The following INTS12 variants were observed in gnomAD, a reference collection of about 807,000 sequenced individuals.
INTS12 encodes the protein PHD finger protein 22.
In INTS12, 13 loss-of-function variants were observed where a neutral mutation model predicts 41.6. The ratio of observed to expected loss-of-function variants is 0.31; its 90% CI spans 0.20 to 0.50. The LOEUF is 0.50. Among genes scored for constraint, INTS12 ranks in the 20% least tolerant of loss-of-function variants. The pLI is 0.98. For missense variants in INTS12, 432 were observed against 541.6 expected, an observed-to-expected ratio of 0.80 and a Z score of 2.01; for synonymous variants, 199 against 191.4, an observed-to-expected ratio of 1.04 and a Z score of -0.33.
At position 105,702,879 on chromosome 4, in the gene INTS12, A is replaced by G. The variant is rs550754120; in HGVS notation, c.-10+769T>C. On this transcript the variant is annotated intron_variant, in intron 2 of 7. Coordinates refer to ENST00000340139, the MANE Select transcript of INTS12 (RefSeq NM_020395.4). Reference sequence around the variant, plus strand: ...TTTATATTTTATATTTTAGTTTTCTATCTTACCTTTACTCCCCCTTTTCTG... The same window carrying G: ...TTTATATTTTATATTTTAGTTTTCTGTCTTACCTTTACTCCCCCTTTTCTG... 8.1e-4 allele frequency: 793 copies of G among 983,356 alleles called. 2 individuals carry two copies. The highest frequency in any genetic ancestry group is 8.2e-4 in the Non-Finnish European group (682 of 827,992). The allele number at this position is 983,356 out of a possible 1,614,324, so 60.9% of individuals were successfully genotyped here.
chr4:105,700,544 T>C (rs1362169109), intron 2 of INTS12, among the ~76,000 whole-genome samples: 4 of 151,968 alleles, frequency 2.6e-5, no homozygotes, highest in Non-Finnish European at 5.9e-5. Context: ...TCTTTTTTTT[T>C]TTTTTTCTAA....
At chr4:105,689,999 A>G (rs912767658) in intron 6 of INTS12, among the ~76,000 whole-genome samples, 6 of 152,264 alleles carry the variant, frequency 3.9e-5, no homozygotes, top group Non-Finnish European at 8.8e-5. Context: ...CTTAAGTGCT[A>G]TGCCAATGAA....
intron 1 of INTS12, chr4:105,707,828 T>TA (rs1251082239): frequency 2.6e-6 from 1 of 385,906 alleles, no homozygotes; most frequent in Non-Finnish European, 3.5e-6. Flanking sequence ...AATGTCACCT[T>TA]ATAAGGCTTC....
Position 105,691,996 on chromosome 4 carries a change from T to C in INTS12, c.637A>G (p.Thr213Ala), listed in dbSNP as rs749033718. Residue 213 changes from threonine (T) to alanine (A), a missense_variant, in exon 6 of 8, where the codon ACC becomes GCC. This residue lies in a region of INTS12 where 258 missense variants were observed against 309.9 expected (regional missense o/e 0.83). Transcript: ENST00000340139. ...PRLVWYCARC[T>A]RQMKRMAQKT... ...CCTACCATTCTTTTCATTTGTCTGG[T>C]ACATCGGGCACAATACCACACCAGG... 8 of 1,562,870 alleles carry C rather than the reference T, an allele frequency of 5.1e-6. No individual in the cohort carries two copies. The highest frequency in any genetic ancestry group is 1.4e-5 in the African/African-American group (1 of 71,626).
At chr4:105,684,513 G>T (rs1306244983) in intron 7 of INTS12, among the ~76,000 whole-genome samples, 2 of 152,008 alleles carry the variant, frequency 1.3e-5, no homozygotes, top group Non-Finnish European at 2.9e-5. Context: ...TTGTCTGCAT[G>T]CATACATTTT....
At chr4:105,695,758 A>G in intron 3 of INTS12, 90 bp from the exon 4 acceptor site, 1 of 1,027,120 alleles carries the variant, frequency 9.7e-7, no homozygotes, top group Non-Finnish European at 1.4e-6. Context: ...TCAGTTAAAA[A>G]TTAAGACATT....
intron 1 of INTS12, chr4:105,708,396 G>C (rs1294023556): frequency 2.0e-6 from 2 of 985,336 alleles, no homozygotes; most frequent in Non-Finnish European, 2.4e-6. Context: ...CAAGTCCCTT[G>C]TCCCTAGACC....
rs546007048 is a variant in INTS12 at position 105,702,806 on chromosome 4, A to T, written c.-10+842T>A. On this transcript the variant is annotated intron_variant, in intron 2 of 7. Coordinates refer to ENST00000340139, the MANE Select transcript of INTS12 (RefSeq NM_020395.4). ...GCCCTGACTTTTGTTTCCTCACCAA[A>T]CAGAAAACAGTAGTTGAACCTAAAA... The T allele has an allele frequency of 2.3e-5, 19 of 833,448 alleles. No homozygotes were observed. In the South Asian group the frequency reaches 9.9e-4, roughly 43 times the overall value. The allele number at this position is 833,448 out of a possible 1,614,324, so 51.6% of individuals were successfully genotyped here. A position where few individuals can be genotyped will look rare whatever the true frequency, so the allele number is the denominator to read the frequency against.
chr4:105,684,736 CAAG>C lies in INTS12; in HGVS notation c.805-1422_805-1420del, dbSNP rs143834873. ...ACCAGCAATGAGAGAAAAAGTTAGTCAAGAAGTAAACCTTTAATTTTCAGTTAT... is the reference window on the plus strand; with the variant it reads ...ACCAGCAATGAGAGAAAAAGTTAGTCAAGTAAACCTTTAATTTTCAGTTAT... On this transcript the variant is annotated intron_variant, in intron 7 of 7. Coordinates refer to ENST00000340139, the MANE Select transcript of INTS12 (RefSeq NM_020395.4). 5.8e-3 allele frequency among the ~76,000 whole-genome samples: 886 copies of C among 152,160 alleles called. 8 individuals carry two copies. The highest frequency in any genetic ancestry group is 0.021 in the African/African-American group (854 of 41,548).
At chr4:105,691,948 T>C in intron 6 of INTS12, 28 bp downstream of exon 6, 2 of 1,484,062 alleles carry the variant, frequency 1.3e-6, no homozygotes, top group Non-Finnish European at 1.8e-6. Flanking sequence ...GACAGACTGT[T>C]TAAAATAAAG....
chr4:105,687,639 G>C (rs1560773989), intron 6 of INTS12, among the ~76,000 whole-genome samples: 2 of 152,152 alleles, frequency 1.3e-5, no homozygotes, highest in Non-Finnish European at 2.9e-5. Flanking sequence ...GTCAAACACA[G>C]TTAGGATTAA....
intron 6 of INTS12, among the ~76,000 whole-genome samples, chr4:105,689,792 G>C (rs1731621749): frequency 1.3e-5 from 2 of 152,144 alleles, no homozygotes; most frequent in African/African-American, 4.8e-5. Context: ...TGTAGTCCCA[G>C]CTACTTGGGA....
intron 6 of INTS12, among the ~76,000 whole-genome samples, chr4:105,689,535 T>C (rs962687470): frequency 6.6e-6 from 1 of 152,196 alleles, no homozygotes; most frequent in Non-Finnish European, 1.5e-5. Flanking sequence ...CATGTTATAA[T>C]ATTAGCCATG....
intron 5 of INTS12, among the ~76,000 whole-genome samples, chr4:105,692,803 ATGT>A (rs1262376297): frequency 6.6e-6 from 1 of 152,178 alleles, no homozygotes; most frequent in Non-Finnish European, 1.5e-5. Context: ...AGTTAGCTGT[ATGT>A]TGTTGTTGTT....
chr4:105,685,658 C>T (rs1237847986), intron 7 of INTS12, among the ~76,000 whole-genome samples: 1 of 150,934 alleles, frequency 6.6e-6, no homozygotes, highest in East Asian at 1.9e-4. Flanking sequence ...GAATTTGAGG[C>T]TATTTTTTTT....
Position 105,698,872 on chromosome 4 carries a change from G to C in INTS12, c.156+978C>G, listed in dbSNP as rs1036602820. Reference sequence around the variant, plus strand: ...TTCTGGTTAGACTTGAGCTAGTCATGTTCTATTTTCTCCTTCTCAGTTTGG... The same window carrying C: ...TTCTGGTTAGACTTGAGCTAGTCATCTTCTATTTTCTCCTTCTCAGTTTGG... On this transcript the variant is annotated intron_variant, in intron 3 of 7. Coordinates refer to ENST00000340139, the MANE Select transcript of INTS12 (RefSeq NM_020395.4). 3.9e-5 allele frequency among the ~76,000 whole-genome samples: 6 copies of C among 152,320 alleles called. No homozygotes were observed. The East Asian group carries it at 1.2e-3, about 29-fold the overall frequency.
At chr4:105,687,456 T>C (rs139553859) in intron 6 of INTS12, among the ~76,000 whole-genome samples, 1 of 152,306 alleles carries the variant, frequency 6.6e-6, no homozygotes, top group African/African-American at 2.4e-5. Context: ...ATAAGCATCT[T>C]CAGTTTTATT....
chr4:105,684,296 G>A (rs1731428214), intron 7 of INTS12, among the ~76,000 whole-genome samples: 1 of 151,982 alleles, frequency 6.6e-6, no homozygotes, highest in South Asian at 2.1e-4. Flanking sequence ...ACTTCTTATT[G>A]ACACCTTTTC....
intron 7 of INTS12, among the ~76,000 whole-genome samples, chr4:105,684,719 TGA>T (rs895315898): frequency 6.6e-6 from 1 of 152,044 alleles, no homozygotes; most frequent in Non-Finnish European, 1.5e-5. Flanking sequence ...ATACCAGCAA[TGA>T]GAGAAAAAGT....
Sources: gnomAD v4.1 joint callset for allele counts (sites outside exome capture counted in the v4.1 genomes callset) on GRCh38, gnomAD v4.1.1 for gene constraint, gnomAD v4.1.1 regional missense constraint, MANE v1.5 for transcripts, NCBI Gene and HGNC (gene_info 2026-07-23, HGNC 2026-07-21) for gene names.